The following PRKACB variants were observed in gnomAD, a reference collection of about 807,000 sequenced individuals.
PRKACB encodes the protein protein kinase cAMP-activated catalytic subunit beta, also known as cAMP-dependent protein kinase catalytic subunit beta.
In PRKACB, 16 loss-of-function variants were observed where a neutral mutation model predicts 51.4. The observed-to-expected ratio is 0.31, with a 90% CI of 0.21 to 0.47. The LOEUF (loss-of-function observed/expected upper bound fraction) is 0.47. Ranked by LOEUF, PRKACB falls within the 20% of genes least tolerant of loss-of-function variation. PRKACB has a pLI of 1.00. For synonymous variants in PRKACB, 147 were observed against 154.4 expected (o/e 0.95, Z 0.35); for missense variants, 309 against 464.5 (o/e 0.67, Z 3.08).
rs1424509535 is a variant in PRKACB at position 84,078,279 on chromosome 1, C to T, written c.-47C>T. The stretch of plus-strand genomic sequence containing the variant: ...AGACTGTGGAGTGGCGGGCACGGCC[C>T]CAGCCCCCCTTCCCTTCCCTGACCC... On this transcript the variant is annotated 5_prime_UTR_variant, in exon 1 of 9. Coordinates refer to the PRKACB transcript ENST00000370688. 19 of 1,558,800 alleles carry T rather than the reference C, an allele frequency of 1.2e-5. No homozygotes were observed. The Admixed American group carries it at 1.3e-4, about 11-fold the overall frequency.
chr1:84,141,389 C>A (rs924320271), upstream of PRKACB, among the ~76,000 whole-genome samples: 1 of 151,958 alleles, frequency 6.6e-6, no homozygotes, highest in Non-Finnish European at 1.5e-5. Context: ...TAGAGTTCTT[C>A]TTTTTATTTT....
chr1:84,225,797 C>T (rs1188236359), intron 9 of PRKACB, among the ~76,000 whole-genome samples: 1 of 152,180 alleles, frequency 6.6e-6, no homozygotes, highest in Non-Finnish European at 1.5e-5. Flanking sequence ...GTTACCCTTT[C>T]CCCATACTGG....
intron 7 of PRKACB, among the ~76,000 whole-genome samples, chr1:84,200,535 G>A (rs1393204057): frequency 6.6e-6 from 1 of 152,158 alleles, no homozygotes; most frequent in Non-Finnish European, 1.5e-5. Context: ...TGCTTTTGGT[G>A]TCTTTGTCAT....
chr1:84,094,224 A>G (rs888597085), intron 1 of PRKACB, among the ~76,000 whole-genome samples: 1 of 151,952 alleles, frequency 6.6e-6, no homozygotes, highest in Non-Finnish European at 1.5e-5. Context: ...TTTTTAAGAT[A>G]TCCTGTTATC....
intron 1 of PRKACB, chr1:84,157,533 A>G (rs1185686179): frequency 1.3e-5 from 2 of 152,158 alleles, no homozygotes; most frequent in Admixed American, 1.3e-4. Flanking sequence ...CACAAAGTTC[A>G]TTTGTTACCC....
chr1:84,170,997 A>C (rs1032652430), intron 1 of PRKACB, among the ~76,000 whole-genome samples: 51 of 151,670 alleles, frequency 3.4e-4, no homozygotes, highest in Non-Finnish European at 6.9e-4. Context: ...AGGCTACAGT[A>C]TATCAATTCT....
upstream of PRKACB, among the ~76,000 whole-genome samples, chr1:84,139,317 G>C (rs1489247075): frequency 6.6e-6 from 1 of 152,100 alleles, no homozygotes; most frequent in Non-Finnish European, 1.5e-5. Flanking sequence ...CTAAAACTGA[G>C]TTTAGCAACA....
At chr1:84,199,107 A>G (rs1262740611) in intron 7 of PRKACB, among the ~76,000 whole-genome samples, 1 of 133,514 alleles carries the variant, frequency 7.5e-6, no homozygotes, top group African/African-American at 3.0e-5. Flanking sequence ...GCATATATGT[A>G]TATATATGCA....
rs1558366866 is a variant in PRKACB, at chr1:84,235,214, C to T, written c.1106C>T (p.Ser369Phe). The T allele has an allele frequency of 6.2e-7, 1 of 1,614,006 alleles. No individual in the cohort carries two copies. The highest frequency in any genetic ancestry group is 8.5e-7 in the Non-Finnish European group (1 of 1,179,920). The change falls in exon 10 of 10, where the codon TCT (serine) becomes TTT (phenylalanine). Residue 369 changes from serine to phenylalanine, a missense_variant. Coordinates refer to ENST00000370685, the MANE Select transcript of PRKACB (RefSeq NM_182948.4). ...CCATTCATACCAAAGTTTAGAGGCT[C>T]TGGAGATACCAGCAACTTTGATGAC... is the stretch of plus-strand genomic sequence containing the variant. ...EAPFIPKFRG[S>F]GDTSNFDDYE...
intron 1 of PRKACB, among the ~76,000 whole-genome samples, chr1:84,124,094 T>C (rs764381593): frequency 2.5e-4 from 38 of 152,300 alleles, no homozygotes; most frequent in Non-Finnish European, 5.3e-4. Flanking sequence ...CTTGAAGAAA[T>C]TAATCAATTT....
chr1:84,202,100 A>G (rs1019857604), intron 7 of PRKACB, among the ~76,000 whole-genome samples: 1 of 152,066 alleles, frequency 6.6e-6, no homozygotes, highest in Non-Finnish European at 1.5e-5. Flanking sequence ...GTATACCTAA[A>G]TATTTACATG....
intron 1 of PRKACB, among the ~76,000 whole-genome samples, chr1:84,167,297 T>TA (rs1286423497): frequency 6.6e-6 from 1 of 151,618 alleles, no homozygotes; most frequent in African/African-American, 2.4e-5. Context: ...GCCTTTAAAA[T>TA]AAAAGTTAAA....
At chr1:84,179,951 C>G (rs2100957328) in intron 2 of PRKACB, among the ~76,000 whole-genome samples, 1 of 149,440 alleles carries the variant, frequency 6.7e-6, no homozygotes, top group East Asian at 2.0e-4. Context: ...CCCTAGCCCC[C>G]CACCCCGCGA....
intron 1 of PRKACB, among the ~76,000 whole-genome samples, chr1:84,089,285 T>A (rs2100765216): frequency 6.6e-6 from 1 of 152,272 alleles, no homozygotes; most frequent in South Asian, 2.1e-4. Context: ...TATTTGGGGA[T>A]AATAGTTGAT....
intron 1 of PRKACB, among the ~76,000 whole-genome samples, chr1:84,094,305 A>G (rs1648756217): frequency 6.6e-6 from 1 of 151,962 alleles, no homozygotes; most frequent in Admixed American, 6.6e-5. Flanking sequence ...ATTTAATTTT[A>G]TCAAATGTTA....
chr1:84,213,372 G>A (rs553694167), intron 8 of PRKACB, among the ~76,000 whole-genome samples: 2 of 152,138 alleles, frequency 1.3e-5, no homozygotes, highest in Non-Finnish European at 2.9e-5. Flanking sequence ...AAGTTAGATT[G>A]GTATAGAGGA....
chr1:84,139,781 G>A (rs898263179), upstream of PRKACB, among the ~76,000 whole-genome samples: 9 of 152,148 alleles, frequency 5.9e-5, no homozygotes, highest in Non-Finnish European at 1.3e-4. Flanking sequence ...AAAAAGGGCC[G>A]GGCACTGTGG....
intron 1 of PRKACB, among the ~76,000 whole-genome samples, chr1:84,173,535 T>G (rs1031805319): frequency 1.3e-5 from 2 of 151,604 alleles, no homozygotes; most frequent in African/African-American, 2.4e-5. Context: ...AAATACCAAA[T>G]AAAGCTCTAA....
intron 1 of PRKACB, among the ~76,000 whole-genome samples, chr1:84,129,649 G>C (rs1488976880): frequency 6.6e-6 from 1 of 152,104 alleles, no homozygotes; most frequent in Non-Finnish European, 1.5e-5. Flanking sequence ...GATGAGATTA[G>C]CTTCTAGTTC....
Sources: gnomAD v4.1 joint callset for allele counts (sites outside exome capture counted in the v4.1 genomes callset) on GRCh38, gnomAD v4.1.1 for gene constraint, MANE v1.5 for transcripts, NCBI Gene and HGNC (gene_info 2026-07-23, HGNC 2026-07-21) for gene names.